Variants in HHAT observed in about 807,000 individuals in gnomAD.
HHAT encodes the protein hedgehog acyltransferase, also known as protein-cysteine N-palmitoyltransferase HHAT.
A neutral mutation model predicts 70.8 loss-of-function variants in HHAT; 47 were observed. That is an observed-to-expected ratio of 0.66 (90% confidence interval 0.53 to 0.85). HHAT has a LOEUF of 0.85. HHAT is among the 40% of genes least tolerant of loss of function. HHAT has a pLI of 0.00. For missense variants in HHAT, 609 were observed against 604.8 expected (o/e 1.01, Z -0.07); for synonymous variants, 228 against 247.6 (o/e 0.92, Z 0.74).
At chr1:210,478,840 C>T (rs1041249338) in intron 8 of HHAT, among the ~76,000 whole-genome samples, 8 of 152,120 alleles carry the variant, frequency 5.3e-5, no homozygotes, top group Admixed American at 3.9e-4. Context: ...CTGTTGGCCC[C>T]GAGGAATGTG....
At position 210,543,100 on chromosome 1, in the gene HHAT, T is replaced by C. The variant is rs547346102; in HGVS notation, c.1043+29912T>C. On this transcript the variant is annotated intron_variant, in intron 9 of 11. Transcript: ENST00000261458. ...TGAAGCCTTTATGGAACGTTAGTCC[T>C]GCCAAGAAAGCGAAAACACATTTAG... Among the ~76,000 whole-genome samples the C allele has an allele frequency of 2.2e-4, 33 of 152,306 alleles. No individual in the cohort carries two copies. In the East Asian group the frequency reaches 5.8e-3, roughly 27 times the overall value.
chr1:210,577,652 TTTTTTTTTTTTTC>T (rs1166974996), intron 9 of HHAT, among the ~76,000 whole-genome samples: 28 of 128,146 alleles, frequency 2.2e-4, no homozygotes, highest in Admixed American at 1.4e-3. Context: ...TTTTTTTTTT[TTTTTTTTTTTTTC>T]GAAATGGAGT....
rs1030631160 is a variant in HHAT, at chr1:210,665,473, C to G, written c.1391-8815C>G. On this transcript the variant is annotated intron_variant, in intron 11 of 11. Coordinates refer to ENST00000261458, the MANE Select transcript of HHAT (RefSeq NM_018194.6). ...CATTTTAGCTGAAAGGACCCAAGAG[C>G]CAAGCTGGGAAGGTCATAGCGCTGT... 7.9e-5 allele frequency among the ~76,000 whole-genome samples: 12 copies of G among 152,218 alleles called. 1 individual carries two copies. The highest frequency in any genetic ancestry group is 4.1e-4 in the South Asian group (2 of 4,820).
intron 9 of HHAT, among the ~76,000 whole-genome samples, chr1:210,562,367 G>T (rs2095630865): frequency 1.6e-5 from 2 of 127,724 alleles, no homozygotes; most frequent in Non-Finnish European, 3.2e-5. Flanking sequence ...TTACCAGAAA[G>T]TCTTTTCAAT....
chr1:210,572,421 C>T (rs893337331), intron 9 of HHAT, among the ~76,000 whole-genome samples: 3 of 152,148 alleles, frequency 2.0e-5, no homozygotes, highest in Non-Finnish European at 2.9e-5. Context: ...CCATATAATA[C>T]GTGCTGGCAT....
intron 10 of HHAT, among the ~76,000 whole-genome samples, chr1:210,623,186 C>T (rs1669194493): frequency 6.6e-6 from 1 of 152,194 alleles, no homozygotes; most frequent in Admixed American, 6.5e-5. Context: ...ATCCTCCCAC[C>T]TTAGCCTCCC....
chr1:210,501,551 A>G (rs1186989296), intron 8 of HHAT, among the ~76,000 whole-genome samples: 1 of 152,248 alleles, frequency 6.6e-6, no homozygotes, highest in African/African-American at 2.4e-5. Flanking sequence ...CTGCAGCACC[A>G]AAGTGGGGTC....
At chr1:210,514,295 T>C (rs1161847182) in intron 9 of HHAT, among the ~76,000 whole-genome samples, 2 of 152,174 alleles carry the variant, frequency 1.3e-5, no homozygotes, top group Non-Finnish European at 2.9e-5. Flanking sequence ...GGTCCTGGCT[T>C]TCTCCAGGAT....
intron 6 of HHAT, among the ~76,000 whole-genome samples, chr1:210,417,661 C>T (rs1014319035): frequency 1.3e-5 from 2 of 152,232 alleles, no homozygotes; most frequent in African/African-American, 4.8e-5. Flanking sequence ...GACATGCCCA[C>T]ACATCATTTT....
chr1:210,633,648 C>T (rs1671300594), intron 11 of HHAT, among the ~76,000 whole-genome samples: 1 of 152,200 alleles, frequency 6.6e-6, no homozygotes. Flanking sequence ...CTTCTCTAAC[C>T]CCTGACATTG....
At chr1:210,496,935 A>G (rs923192784) in intron 8 of HHAT, among the ~76,000 whole-genome samples, 4 of 152,202 alleles carry the variant, frequency 2.6e-5, no homozygotes, top group East Asian at 1.9e-4. Context: ...TGCCAAGTAT[A>G]TCTGCTGGTG....
At chr1:210,517,191 G>C (rs948579682) in intron 9 of HHAT, among the ~76,000 whole-genome samples, 10 of 152,226 alleles carry the variant, frequency 6.6e-5, no homozygotes, top group Non-Finnish European at 1.5e-4. Flanking sequence ...ATAGATAACA[G>C]GGTGGCTTGT....
At chr1:210,662,846 T>C (rs1678049173) in intron 11 of HHAT, among the ~76,000 whole-genome samples, 1 of 152,104 alleles carries the variant, frequency 6.6e-6, no homozygotes, top group African/African-American at 2.4e-5. Flanking sequence ...AAAAATGCAG[T>C]AGAAGTTGGC....
intron 1 of HHAT, among the ~76,000 whole-genome samples, chr1:210,346,127 T>C (rs2086503752): frequency 6.6e-6 from 1 of 151,888 alleles, no homozygotes; most frequent in African/African-American, 2.4e-5. Context: ...ATTTTCTAGT[T>C]CCCTGAGGAT....
chr1:210,411,596 TA>T (rs3835413), intron 6 of HHAT, among the ~76,000 whole-genome samples: 39,717 of 150,788 alleles, frequency 0.26, 5,574 homozygotes, highest in South Asian at 0.4. Flanking sequence ...CTACAAAAAA[TA>T]AAAAAAAATC....
Position 210,471,195 on chromosome 1 carries a change from T to C in HHAT, c.1007+6540T>C, listed in dbSNP as rs1352569720. On this transcript the variant is annotated intron_variant, in intron 8 of 11. Coordinates refer to ENST00000261458, the MANE Select transcript of HHAT (RefSeq NM_018194.6). ...TGCAGCATGTGGTGACATGTGGCTG[T>C]AGGTGTACTGTACCATGACTGCTTG... Among the ~76,000 whole-genome samples, 34 of 152,102 alleles carry C rather than the reference T, an allele frequency of 2.2e-4. 1 individual carries two copies. Among genetic ancestry groups the C allele is most frequent in the Admixed American group, 2.2e-3 (34 of 15,266 alleles).
intron 7 of HHAT, among the ~76,000 whole-genome samples, chr1:210,464,206 C>G (rs7554508): frequency 2.6e-5 from 4 of 151,628 alleles, no homozygotes; most frequent in Non-Finnish European, 5.9e-5. Context: ...TTTTCCCCTT[C>G]GTAATAGTTT....
At chr1:210,480,360 C>T (rs2094375239) in intron 8 of HHAT, among the ~76,000 whole-genome samples, 1 of 152,158 alleles carries the variant, frequency 6.6e-6, no homozygotes, top group African/African-American at 2.4e-5. Context: ...TATTTGCAAT[C>T]AGACCTCGGC....
At chr1:210,581,942 A>T (rs1163261015) in intron 9 of HHAT, among the ~76,000 whole-genome samples, 1 of 152,170 alleles carries the variant, frequency 6.6e-6, no homozygotes, top group Non-Finnish European at 1.5e-5. Context: ...ACATACACAC[A>T]TCACATATCT....
Sources: allele counts gnomAD v4.1 joint callset (sites outside exome capture counted in the v4.1 genomes callset), GRCh38; gene constraint gnomAD v4.1.1; transcripts MANE v1.5; gene names NCBI Gene and HGNC (gene_info 2026-07-23, HGNC 2026-07-21).